The following ABHD2 variants were observed in gnomAD, a reference collection of about 807,000 sequenced individuals.
The protein encoded by ABHD2 is monoacylglycerol lipase ABHD2.
A neutral mutation model predicts 48.1 loss-of-function variants in ABHD2; 20 were observed. The ratio of observed to expected loss-of-function variants is 0.42; its 90% CI spans 0.29 to 0.60. The LOEUF (loss-of-function observed/expected upper bound fraction) is 0.60. Ranked by LOEUF, ABHD2 falls within the 20% of genes least tolerant of loss-of-function variation. ABHD2 has a pLI of 0.24. For missense variants in ABHD2, 405 were observed against 550.9 expected (o/e 0.74, Z 2.65); for synonymous variants, 209 against 214.2 (o/e 0.98, Z 0.21).
rs1055396465 is a variant in ABHD2 at position 89,114,741 on chromosome 15, C to T, written c.-7+917C>T. On this transcript the variant is annotated intron_variant, in intron 2 of 10. Transcript: ENST00000352732. The surrounding 1 kb of genome is among the most constrained non-coding windows in gnomAD (Gnocchi z 4.2). ...TCAAGTGATCCACCCACTTTGGCCT[C>T]CCAAAGTGCATGATTACAGGCATGA... Among the ~76,000 whole-genome samples, 1 of 152,194 alleles carries T rather than the reference C, an allele frequency of 6.6e-6. No individual in the cohort carries two copies. The highest frequency in any genetic ancestry group is 2.4e-5 in the African/African-American group (1 of 41,454).
At chr15:89,085,854 G>A (rs772625309), upstream of ABHD2, among the ~76,000 whole-genome samples, 8 of 152,126 alleles carry the variant, frequency 5.3e-5, no homozygotes, top group Non-Finnish European at 1.2e-4. The surrounding 1 kb of genome is among the most constrained non-coding windows in gnomAD (Gnocchi z 4.2). Flanking sequence ...CTTTCCCTTA[G>A]CAAACACAGG....
At chr15:89,044,437 T>A in the ABHD2 span, among the ~76,000 whole-genome samples, 1 of 152,228 alleles carries the variant, frequency 6.6e-6, no homozygotes, top group South Asian at 2.1e-4. Context: ...GATGGCTGGG[T>A]CAAATGGTAT....
At chr15:89,140,667 G>GC (rs576177709) in intron 3 of ABHD2, among the ~76,000 whole-genome samples, 2 of 151,956 alleles carry the variant, frequency 1.3e-5, no homozygotes, top group Admixed American at 6.6e-5. Flanking sequence ...AGGAGCACAG[G>GC]CCCCCCCTGT....
chr15:89,089,617 C>T (rs915253130), intron 1 of ABHD2, among the ~76,000 whole-genome samples: 1 of 152,222 alleles, frequency 6.6e-6, no homozygotes, highest in African/African-American at 2.4e-5. Context: ...ACAGGCTCCA[C>T]AGAGGGACCT....
At chr15:89,096,330 G>T (rs2046801834) in intron 1 of ABHD2, among the ~76,000 whole-genome samples, 1 of 152,226 alleles carries the variant, frequency 6.6e-6, no homozygotes, top group Admixed American at 6.5e-5. Context: ...GGAAGTTTAT[G>T]CTCCATACTG....
the ABHD2 span, among the ~76,000 whole-genome samples, chr15:89,054,603 C>G: frequency 6.6e-6 from 1 of 151,990 alleles, no homozygotes; most frequent in African/African-American, 2.4e-5. Context: ...ATCGTTTGAA[C>G]CCAGCAGAGG....
chr15:89,169,142 A>G lies in ABHD2; in HGVS notation c.539-6670A>G, dbSNP rs189431258. Among the ~76,000 whole-genome samples the G allele has an allele frequency of 4.6e-5, 7 of 152,262 alleles. No homozygotes were observed. The East Asian group carries it at 7.7e-4, about 17-fold the overall frequency. Reference sequence around the variant, plus strand: ...AAGGAATCAAATGGTTGGGGGGAGTAAGATGTTTAATAATTGAAGCATAAA... The same window carrying G: ...AAGGAATCAAATGGTTGGGGGGAGTGAGATGTTTAATAATTGAAGCATAAA... On this transcript the variant is annotated intron_variant, in intron 5 of 10. Coordinates refer to ENST00000352732, the MANE Select transcript of ABHD2 (RefSeq NM_152924.5).
At chr15:89,131,824 C>T (rs545356044) in intron 3 of ABHD2, among the ~76,000 whole-genome samples, 2 of 152,028 alleles carry the variant, frequency 1.3e-5, no homozygotes, top group African/African-American at 4.8e-5. Context: ...TTAGGAGAGA[C>T]GTAAGAGAGC....
At chr15:89,066,082 A>G in the ABHD2 span, among the ~76,000 whole-genome samples, 1 of 152,162 alleles carries the variant, frequency 6.6e-6, no homozygotes, top group Non-Finnish European at 1.5e-5. Context: ...GTTTGTGACC[A>G]TTCCTCTATA....
At position 89,097,711 on chromosome 15, in the gene ABHD2, G is replaced by T. The variant is rs1243202242; in HGVS notation, c.-107+9148G>T. 6.6e-6 allele frequency among the ~76,000 whole-genome samples: 1 copy of T among 152,156 alleles called. No homozygotes were observed. The highest frequency in any genetic ancestry group is 1.5e-5 in the Non-Finnish European group (1 of 68,032). On this transcript the variant is annotated intron_variant, in intron 1 of 10. Coordinates refer to ENST00000352732, the MANE Select transcript of ABHD2 (RefSeq NM_152924.5). This position sits in a 1 kb window ranked among gnomAD's most constrained non-coding sequence, Gnocchi z 4.2. ...TAAAGAGTGGAAAACTTCCTCCCAA[G>T]AAGCACTCAATGTTACTAGTATCTT...
In ABHD2 at chr15:89,124,580, A is replaced by C. The variant is rs7166443; in HGVS notation, c.194+8059A>C. Among the ~76,000 whole-genome samples, 5 of 152,320 alleles carry C rather than the reference A, an allele frequency of 3.3e-5. No individual in the cohort carries two copies. In the South Asian group the frequency reaches 1.0e-3, roughly 32 times the overall value. ...TAGATCCTTTCCTTCTTGGCTGAAC[A>C]CTAAAGCTTTGTCCTTTTCACAGGA... On this transcript the variant is annotated intron_variant, in intron 3 of 10. Coordinates refer to ENST00000352732, the MANE Select transcript of ABHD2 (RefSeq NM_152924.5).
the ABHD2 span, among the ~76,000 whole-genome samples, chr15:89,078,725 C>CTTTTTTTTTTTT: frequency 7.0e-6 from 1 of 143,678 alleles, no homozygotes; most frequent in Non-Finnish European, 1.5e-5. Flanking sequence ...ACAATGTAGG[C>CTTTTTTTTTTTT]TTTTTTTTTT....
chr15:89,042,967 C>G, the ABHD2 span, among the ~76,000 whole-genome samples: 3 of 152,146 alleles, frequency 2.0e-5, no homozygotes, highest in Admixed American at 1.3e-4. Flanking sequence ...GGCGCCCGGC[C>G]TATACCTTCT....
At chr15:89,098,271 G>A (rs956436582) in intron 1 of ABHD2, among the ~76,000 whole-genome samples, 1 of 152,076 alleles carries the variant, frequency 6.6e-6, no homozygotes, top group Non-Finnish European at 1.5e-5. Flanking sequence ...TAAAAATTGA[G>A]GGACATACAA....
At chr15:89,112,250 T>C (rs901191620) in intron 1 of ABHD2, among the ~76,000 whole-genome samples, 1 of 152,242 alleles carries the variant, frequency 6.6e-6, no homozygotes, top group African/African-American at 2.4e-5. Context: ...CTTCTGATTT[T>C]GTTTCCAAGA....
At chr15:89,172,846 T>C (rs1388489039) in intron 5 of ABHD2, among the ~76,000 whole-genome samples, 1 of 152,222 alleles carries the variant, frequency 6.6e-6, no homozygotes, top group Non-Finnish European at 1.5e-5. Flanking sequence ...CTGGGCTGTT[T>C]GTTGAAAGTT....
At position 89,155,487 on chromosome 15, in the gene ABHD2, G is replaced by A; in HGVS notation, c.491G>A (p.Gly164Asp). The A allele has an allele frequency of 6.2e-7, 1 of 1,614,104 alleles. No homozygotes were observed. Among genetic ancestry groups the A allele is most frequent in the Non-Finnish European group, 8.5e-7 (1 of 1,180,000 alleles). ...CGGTGCGCCGTGCTGAACCACCTGG[G>A]TGCCCTGCCCAACATTGAATTGACC... ...GYRCAVLNHL[G>D]ALPNIELTSP... is the part of the protein sequence containing the mutation. Residue 164 changes from glycine (G) to aspartate (D), a missense_variant, in exon 5 of 11, where the codon GGT becomes GAT. Physicochemically the swap from Gly to Asp is moderately conservative, Grantham distance 94 (BLOSUM62 -1). Coordinates refer to ENST00000352732, the MANE Select transcript of ABHD2 (RefSeq NM_152924.5). The surrounding 1 kb of genome is among the most constrained non-coding windows in gnomAD (Gnocchi z 4.9).
chr15:89,076,058 G>A, the ABHD2 span, among the ~76,000 whole-genome samples: 7 of 152,172 alleles, frequency 4.6e-5, no homozygotes, highest in East Asian at 1.9e-4. Flanking sequence ...CCACCCACAC[G>A]TCCCCTTTCT....
At position 89,200,852 on chromosome 15, in the gene ABHD2, C is replaced by T. The variant is rs183821867; in HGVS notation, c.*5429C>T. On this transcript the variant is annotated 3_prime_UTR_variant, in exon 11 of 11. Coordinates refer to ENST00000352732, the MANE Select transcript of ABHD2 (RefSeq NM_152924.5). ...AATCCCAGCACTTTGGAGGCCGAGG[C>T]GGGTAGATCACCTGAGGTTAGGAGT... 7 of 319,262 alleles carry T rather than the reference C, an allele frequency of 2.2e-5. No homozygotes were observed. The highest frequency in any genetic ancestry group is 1.1e-3 in the Middle Eastern group (1 of 900). 19.8% of individuals were successfully genotyped at this position (319,262 alleles called of 1,614,324 possible). A position where few individuals can be genotyped will look rare whatever the true frequency, so the allele number is the denominator to read the frequency against.
Sources: gnomAD v4.1 joint callset for allele counts (sites outside exome capture counted in the v4.1 genomes callset) on GRCh38, gnomAD v4.1.1 for gene constraint, Gnocchi (gnomAD v3.1) non-coding constraint, MANE v1.5 for transcripts, NCBI Gene and HGNC (gene_info 2026-07-23, HGNC 2026-07-21) for gene names.